EYS: variants seen among roughly 807,000 people sequenced by gnomAD.
The protein encoded by EYS is EGF-like photoreceptor maintenance factor, also known as protein eyes shut homolog.
A neutral mutation model predicts 282.1 loss-of-function variants in EYS; 250 were observed. The ratio of observed to expected loss-of-function variants is 0.89; its 90% CI spans 0.80 to 0.98. The LOEUF is 0.98. Ranked by LOEUF, EYS falls within the 50% of genes least tolerant of loss-of-function variation. The pLI is 0.00. For missense variants in EYS, 4,016 were observed against 3,709.0 expected, an observed-to-expected ratio of 1.08 and a Z score of -2.15; for synonymous variants, 1,355 against 1,282.9, an observed-to-expected ratio of 1.06 and a Z score of -1.20.
chr6:65,433,426 A>C lies in EYS; in HGVS notation c.863-28059T>G, dbSNP rs373695980. On this transcript the variant is annotated intron_variant, in intron 5 of 42. Transcript: ENST00000503581. The stretch of plus-strand genomic sequence containing the variant: ...CACCAGGGTACATGATTTAAAAAAA[A>C]CAGAATGCTTCAACAAGATTATATT... Among the ~76,000 whole-genome samples, 1,176 of 152,274 alleles carry C rather than the reference A, an allele frequency of 7.7e-3. 15 individuals carry two copies. Among genetic ancestry groups the C allele is most frequent in the African/African-American group, 0.027 (1,116 of 41,530 alleles).
intron 13 of EYS, among the ~76,000 whole-genome samples, chr6:65,048,751 G>A (rs1161061107): frequency 6.6e-6 from 1 of 151,762 alleles, no homozygotes; most frequent in Non-Finnish European, 1.5e-5. Context: ...TTTCCCTAAA[G>A]CAACAATCCA....
At chr6:63,856,501 T>C (rs1349947369) in intron 36 of EYS, among the ~76,000 whole-genome samples, 2 of 152,156 alleles carry the variant, frequency 1.3e-5, no homozygotes, top group African/African-American at 4.8e-5. Context: ...AGGCAAACAG[T>C]CAGAGTTTGA....
chr6:63,808,704 C>T (rs968804970), intron 36 of EYS, among the ~76,000 whole-genome samples: 1 of 152,120 alleles, frequency 6.6e-6, no homozygotes, highest in Non-Finnish European at 1.5e-5. Context: ...ATAATGAAGA[C>T]TGATGATAAC....
chr6:65,193,567 A>G (rs897242326), intron 12 of EYS, among the ~76,000 whole-genome samples: 1 of 151,808 alleles, frequency 6.6e-6, no homozygotes, highest in Non-Finnish European at 1.5e-5. Context: ...CAAGTTCTGT[A>G]TATAAGCTAG....
chr6:63,724,593 T>G (rs1464311968), intron 42 of EYS, among the ~76,000 whole-genome samples: 2 of 152,124 alleles, frequency 1.3e-5, no homozygotes, highest in African/African-American at 4.8e-5. Context: ...CTTTTAAAGG[T>G]GTTAAATTTT....
chr6:64,007,223 G>T (rs1768391053), intron 33 of EYS, among the ~76,000 whole-genome samples: 2 of 152,044 alleles, frequency 1.3e-5, no homozygotes. Flanking sequence ...GTCCAATCTT[G>T]TGAGATATGT....
intron 12 of EYS, among the ~76,000 whole-genome samples, chr6:65,164,122 A>T (rs2150223345): frequency 6.6e-6 from 1 of 151,532 alleles, no homozygotes; most frequent in African/African-American, 2.4e-5. Flanking sequence ...GTTGTTTTTA[A>T]AAAAGATTCT....
intron 19 of EYS, among the ~76,000 whole-genome samples, chr6:64,852,958 C>A (rs1237392441): frequency 1.3e-5 from 2 of 152,120 alleles, no homozygotes. Context: ...TTACAACAGC[C>A]TTAGGACACT....
chr6:64,555,580 A>G (rs979465157), intron 26 of EYS, among the ~76,000 whole-genome samples: 1 of 151,986 alleles, frequency 6.6e-6, no homozygotes, highest in Non-Finnish European at 1.5e-5. Flanking sequence ...ATTTCAAACT[A>G]CATCATGTTG....
intron 22 of EYS, among the ~76,000 whole-genome samples, chr6:64,738,059 T>A (rs1583099008): frequency 1.3e-4 from 1 of 7,766 alleles, no homozygotes; most frequent in African/African-American, 1.9e-4. Context: ...CTATCGAGAA[T>A]GAAATAAAAA....
intron 22 of EYS, among the ~76,000 whole-genome samples, chr6:64,681,585 C>T (rs949043707): frequency 1.3e-5 from 2 of 152,160 alleles, no homozygotes; most frequent in Non-Finnish European, 2.9e-5. Flanking sequence ...CCGCAATGAT[C>T]ACCTGGCCTC....
chr6:64,086,923 T>G (rs989483677), intron 31 of EYS, among the ~76,000 whole-genome samples: 9 of 152,282 alleles, frequency 5.9e-5, no homozygotes, highest in African/African-American at 2.2e-4. Flanking sequence ...GCAGAAGGTT[T>G]GCAGATGCTG....
rs770826563 is a variant in EYS at position 64,066,352 on chromosome 6, G to T, written c.6711C>A (p.Thr2237=). ...ACAGTACTTACCGTATTGTGATAGGGGTGAATGCATTTGTGTTAATGCTGT... is the reference window on the plus strand; with the variant it reads ...ACAGTACTTACCGTATTGTGATAGGTGTGAATGCATTTGTGTTAATGCTGT... ...ANYSINTNAF[T]PITIRYTTPV... is the part of the protein sequence containing the mutation. Residue 2237 remains threonine, a synonymous_variant, in exon 33 of 43, where the codon ACC becomes ACA. Coordinates refer to ENST00000503581, the MANE Select transcript of EYS (RefSeq NM_001142800.2). The T allele has an allele frequency of 5.8e-6, 9 of 1,551,294 alleles. No homozygotes were observed. The highest frequency in any genetic ancestry group is 7.8e-6 in the Non-Finnish European group (9 of 1,146,760).
At position 64,014,238 on chromosome 6, in the gene EYS, G is replaced by A. The variant is rs889233999; in HGVS notation, c.6726-15055C>T. 6.6e-5 allele frequency among the ~76,000 whole-genome samples: 10 copies of A among 151,732 alleles called. No individual in the cohort carries two copies. In the South Asian group the frequency reaches 1.0e-3, roughly 16 times the overall value. On this transcript the variant is annotated intron_variant, in intron 33 of 42. Transcript: ENST00000503581. ...ACAAAAAGTAATTCAGATGATATTG[G>A]TAGGTGGAGATTCACTCACATTAGG...
At chr6:65,545,739 G>C (rs1363570935) in intron 2 of EYS, among the ~76,000 whole-genome samples, 2 of 151,940 alleles carry the variant, frequency 1.3e-5, no homozygotes, top group East Asian at 3.9e-4. Flanking sequence ...GAACAAACAT[G>C]GAATACCTTC....
intron 32 of EYS, among the ~76,000 whole-genome samples, chr6:64,078,259 C>T (rs1771839463): frequency 6.6e-6 from 1 of 151,966 alleles, no homozygotes; most frequent in African/African-American, 2.4e-5. Context: ...AAATTAAAAT[C>T]AAAGCAACTC....
intron 26 of EYS, among the ~76,000 whole-genome samples, chr6:64,457,977 G>A (rs1226899544): frequency 6.6e-6 from 1 of 151,468 alleles, no homozygotes; most frequent in Non-Finnish European, 1.5e-5. Context: ...GTTACCATGG[G>A]GCTTATTACA....
chr6:65,324,902 T>A (rs1160835668), intron 11 of EYS, among the ~76,000 whole-genome samples: 1 of 152,184 alleles, frequency 6.6e-6, no homozygotes, highest in Non-Finnish European at 1.5e-5. Context: ...AGATACTGTA[T>A]CTCTGGGATT....
At chr6:64,545,403 C>T (rs778997066) in intron 26 of EYS, among the ~76,000 whole-genome samples, 1 of 152,298 alleles carries the variant, frequency 6.6e-6, no homozygotes, top group East Asian at 1.9e-4. Flanking sequence ...GACAAACCCA[C>T]AGCCAATATC....
Sources: allele counts gnomAD v4.1 joint callset (sites outside exome capture counted in the v4.1 genomes callset), GRCh38; gene constraint gnomAD v4.1.1; transcripts MANE v1.5; gene names NCBI Gene and HGNC (gene_info 2026-07-23, HGNC 2026-07-21).